SLCO3A1: variants seen among roughly 807,000 people sequenced by gnomAD.
SLCO3A1 encodes solute carrier organic anion transporter family member 3A1.
A neutral mutation model predicts 63.1 loss-of-function variants in SLCO3A1; 27 were observed. The observed-to-expected ratio is 0.43, with a 90% CI of 0.32 to 0.59. The LOEUF is 0.59. Ranked by LOEUF, SLCO3A1 falls within the 20% of genes least tolerant of loss-of-function variation. The pLI is 0.09. For synonymous variants in SLCO3A1, 473 were observed against 409.9 expected, an observed-to-expected ratio of 1.15 and a Z score of -1.86; for missense variants, 773 against 945.8, an observed-to-expected ratio of 0.82 and a Z score of 2.40.
At chr15:92,102,626 C>T (rs1272494527) in intron 3 of SLCO3A1, among the ~76,000 whole-genome samples, 7 of 152,176 alleles carry the variant, frequency 4.6e-5, no homozygotes, top group African/African-American at 1.7e-4. Flanking sequence ...CAGCATGTAG[C>T]TATGCAGAAA....
At chr15:91,864,150 T>C (rs901060880) in intron 1 of SLCO3A1, among the ~76,000 whole-genome samples, 1 of 152,214 alleles carries the variant, frequency 6.6e-6, no homozygotes, top group South Asian at 2.1e-4. Flanking sequence ...GAGATGGACA[T>C]GTGCAATCGA....
rs1327323053 is a variant in SLCO3A1 at position 91,941,716 on chromosome 15, G to A, written c.646+25258G>A. 1.9e-5 allele frequency: 7 copies of A among 366,112 alleles called. No homozygotes were observed. Among genetic ancestry groups the A allele is most frequent in the Middle Eastern group, 6.9e-4 (1 of 1,456 alleles). 22.7% of individuals were successfully genotyped at this position (366,112 alleles called of 1,614,324 possible). A position where few individuals can be genotyped will look rare whatever the true frequency, so the allele number is the denominator to read the frequency against. On this transcript the variant is annotated intron_variant, in intron 2 of 9. Coordinates refer to ENST00000318445, the MANE Select transcript of SLCO3A1 (RefSeq NM_013272.4). The surrounding 1 kb of genome is among the most constrained non-coding windows in gnomAD (Gnocchi z 4.4). ...ATTTTTCCTCCTTTTTAATTTTTAT[G>A]TTTAAAATATCTTCTATTCATTAAC...
intron 2 of SLCO3A1, among the ~76,000 whole-genome samples, chr15:91,979,495 G>A (rs1430041648): frequency 6.6e-6 from 1 of 152,142 alleles, no homozygotes; most frequent in East Asian, 1.9e-4. Flanking sequence ...AATAACCTTA[G>A]CGTGTTGTCT....
intron 3 of SLCO3A1, among the ~76,000 whole-genome samples, chr15:92,097,069 T>C (rs1300257986): frequency 1.3e-5 from 2 of 152,222 alleles, no homozygotes; most frequent in East Asian, 3.9e-4. Flanking sequence ...CCTGATGCAA[T>C]GGGGAAGCCA....
rs965412409 is a variant in SLCO3A1 at position 91,863,891 on chromosome 15, A to G, written c.180+9803A>G. Among the ~76,000 whole-genome samples, 1 of 152,218 alleles carries G rather than the reference A, an allele frequency of 6.6e-6. No homozygotes were observed. ...GCCAGTGACAGTTTCTCAGCCAGCC[A>G]AAGAGAGGATATCTTTTGGAAACAA... On this transcript the variant is annotated intron_variant, in intron 1 of 9. Coordinates refer to ENST00000318445, the MANE Select transcript of SLCO3A1 (RefSeq NM_013272.4). The surrounding 1 kb of genome is among the most constrained non-coding windows in gnomAD (Gnocchi z 4.3).
downstream of SLCO3A1, among the ~76,000 whole-genome samples, chr15:92,167,357 T>C (rs1223201198): frequency 6.6e-6 from 1 of 152,242 alleles, no homozygotes; most frequent in South Asian, 2.1e-4. Flanking sequence ...CCCCTTAGGT[T>C]AGAATCCACT....
At chr15:92,161,233 C>G (rs532666599) in intron 9 of SLCO3A1, among the ~76,000 whole-genome samples, 3 of 152,278 alleles carry the variant, frequency 2.0e-5, no homozygotes, top group Admixed American at 1.3e-4. Flanking sequence ...GCATTAGTGA[C>G]TCATCTGTCA....
chr15:91,858,157 T>G (rs1896970475), intron 1 of SLCO3A1, among the ~76,000 whole-genome samples: 1 of 152,172 alleles, frequency 6.6e-6, no homozygotes, highest in African/African-American at 2.4e-5. Context: ...GATGAGTTTC[T>G]GCATATTCAA....
intron 2 of SLCO3A1, among the ~76,000 whole-genome samples, chr15:92,052,898 A>G (rs1383793648): frequency 6.6e-6 from 1 of 152,118 alleles, no homozygotes; most frequent in Non-Finnish European, 1.5e-5. Flanking sequence ...GTTAGAATCA[A>G]TTTTACCTGT....
chr15:92,071,491 A>T (rs1424887620), intron 2 of SLCO3A1, among the ~76,000 whole-genome samples: 5 of 152,200 alleles, frequency 3.3e-5, no homozygotes, highest in Non-Finnish European at 7.3e-5. Context: ...ATATATGTTC[A>T]GGGGAAAAAA....
intron 2 of SLCO3A1, among the ~76,000 whole-genome samples, chr15:92,003,525 A>T (rs755366674): frequency 2.0e-5 from 3 of 152,212 alleles, no homozygotes; most frequent in Non-Finnish European, 4.4e-5. Flanking sequence ...TCATCAGTGG[A>T]CATCTTGTTA....
chr15:91,955,848 G>T (rs558981237), intron 2 of SLCO3A1, among the ~76,000 whole-genome samples: 3 of 152,302 alleles, frequency 2.0e-5, no homozygotes, highest in South Asian at 2.1e-4. Context: ...AGCGTGTTTG[G>T]AATCTGTAAT....
Position 91,898,673 on chromosome 15 carries a change from G to T in SLCO3A1, c.181-17320G>T, listed in dbSNP as rs4244909. 2.0e-5 allele frequency among the ~76,000 whole-genome samples: 3 copies of T among 151,866 alleles called. No homozygotes were observed. In the East Asian group the frequency reaches 5.8e-4, roughly 30 times the overall value. On this transcript the variant is annotated intron_variant, in intron 1 of 9. Coordinates refer to ENST00000318445, the MANE Select transcript of SLCO3A1 (RefSeq NM_013272.4). The stretch of plus-strand genomic sequence containing the variant: ...TGTGAGACTCCAGAGCATGCATTTT[G>T]GATGGAGTTGATATCACTTCTAGTG...
At chr15:92,122,662 C>T (rs2047877027) in intron 5 of SLCO3A1, among the ~76,000 whole-genome samples, 1 of 152,190 alleles carries the variant, frequency 6.6e-6, no homozygotes, top group African/African-American at 2.4e-5. Flanking sequence ...ATCTGTCCAA[C>T]AGAAATAAGT....
chr15:91,874,242 A>G (rs1897345491), intron 1 of SLCO3A1, among the ~76,000 whole-genome samples: 1 of 152,114 alleles, frequency 6.6e-6, no homozygotes, highest in Non-Finnish European at 1.5e-5. Context: ...GTTGCTCACT[A>G]TTTTCTGACT....
chr15:92,090,491 C>G (rs971864861), intron 2 of SLCO3A1, among the ~76,000 whole-genome samples: 2 of 152,192 alleles, frequency 1.3e-5, no homozygotes, highest in Admixed American at 1.3e-4. Flanking sequence ...CCTTGTCCAG[C>G]CATCTCATCC....
intron 2 of SLCO3A1, among the ~76,000 whole-genome samples, chr15:91,943,079 A>C (rs769899091): frequency 6.6e-6 from 1 of 152,194 alleles, no homozygotes; most frequent in Admixed American, 6.5e-5. Flanking sequence ...TTTCCATTTT[A>C]TAGAAATTGA....
At chr15:92,158,902 A>C (rs1475513324) in intron 9 of SLCO3A1, among the ~76,000 whole-genome samples, 1 of 152,244 alleles carries the variant, frequency 6.6e-6, no homozygotes, top group Non-Finnish European at 1.5e-5. Context: ...CAATATTTTC[A>C]CTATTCAGAA....
At chr15:92,038,536 A>T (rs1300493212) in intron 2 of SLCO3A1, among the ~76,000 whole-genome samples, 2 of 152,184 alleles carry the variant, frequency 1.3e-5, no homozygotes, top group African/African-American at 4.8e-5. Flanking sequence ...CTAGGGATAC[A>T]GCTAACAAGG....
Sources: allele counts gnomAD v4.1 joint callset (sites outside exome capture counted in the v4.1 genomes callset), GRCh38; gene constraint gnomAD v4.1.1; non-coding constraint Gnocchi (gnomAD v3.1); transcripts MANE v1.5; gene names NCBI Gene and HGNC (gene_info 2026-07-23, HGNC 2026-07-21).